The following SLC44A5 variants were observed in gnomAD, a reference collection of about 807,000 sequenced individuals.
SLC44A5 encodes the protein choline transporter-like protein 5.
A neutral mutation model predicts 101.8 loss-of-function variants in SLC44A5; 57 were observed. That is an observed-to-expected ratio of 0.56 (90% CI 0.45 to 0.70). SLC44A5 has a LOEUF of 0.70. Among genes scored for constraint, SLC44A5 ranks in the 30% least tolerant of loss-of-function variants. The probability of loss-of-function intolerance (pLI) is 0.00; values close to 1 mark genes in which losing one functional copy is unlikely to be tolerated. For synonymous variants in SLC44A5, 281 were observed against 290.9 expected, an observed-to-expected ratio of 0.97 and a Z score of 0.35; for missense variants, 737 against 853.1, an observed-to-expected ratio of 0.86 and a Z score of 1.70.
the SLC44A5 span, among the ~76,000 whole-genome samples, chr1:75,659,934 A>G: frequency 6.6e-6 from 1 of 152,294 alleles, no homozygotes; most frequent in East Asian, 1.9e-4. Context: ...TAAATGTAAT[A>G]TATCAGATTA....
chr1:75,317,908 G>A (rs1655818207), intron 4 of SLC44A5, among the ~76,000 whole-genome samples: 1 of 152,110 alleles, frequency 6.6e-6, no homozygotes, highest in Non-Finnish European at 1.5e-5. Context: ...TCACCTTGGG[G>A]ATTAAGGCTC....
At chr1:75,633,763 T>C in the SLC44A5 span, among the ~76,000 whole-genome samples, 1 of 151,986 alleles carries the variant, frequency 6.6e-6, no homozygotes, top group African/African-American at 2.4e-5. Flanking sequence ...CTATGTTGAA[T>C]AGGAGTGGTG....
chr1:75,680,680 C>T, the SLC44A5 span, among the ~76,000 whole-genome samples: 3 of 150,932 alleles, frequency 2.0e-5, no homozygotes, highest in Middle Eastern at 3.4e-3. Flanking sequence ...AAATTGACAC[C>T]CTAACATCAC....
intron 2 of SLC44A5, among the ~76,000 whole-genome samples, chr1:75,493,909 G>A (rs974564030): frequency 6.6e-6 from 1 of 152,150 alleles, no homozygotes; most frequent in Non-Finnish European, 1.5e-5. Flanking sequence ...ATCTGCCTGA[G>A]GTTCTGGCTT....
the SLC44A5 span, among the ~76,000 whole-genome samples, chr1:75,696,358 A>T: frequency 6.6e-6 from 1 of 152,350 alleles, no homozygotes; most frequent in Non-Finnish European, 1.5e-5. Context: ...CATATGTTCA[A>T]AGGAAGAGAA....
intron 1 of SLC44A5, among the ~76,000 whole-genome samples, chr1:75,545,007 AG>A (rs2101963721): frequency 6.6e-6 from 1 of 151,884 alleles, no homozygotes; most frequent in South Asian, 2.1e-4. Context: ...TCCGTCCCCT[AG>A]CCCCCCACCC....
chr1:75,684,832 T>A, the SLC44A5 span, among the ~76,000 whole-genome samples: 1 of 152,164 alleles, frequency 6.6e-6, no homozygotes, highest in Non-Finnish European at 1.5e-5. Context: ...GTCTGAAGGA[T>A]GGTGGCCCTC....
intron 12 of SLC44A5, among the ~76,000 whole-genome samples, chr1:75,232,528 G>A (rs1570424446): frequency 1.3e-5 from 2 of 151,978 alleles, no homozygotes; most frequent in East Asian, 3.9e-4. Context: ...TTTGTTACCT[G>A]GCTGTGCTCA....
chr1:75,531,623 T>C (rs963325187), intron 2 of SLC44A5, among the ~76,000 whole-genome samples: 23 of 152,200 alleles, frequency 1.5e-4, no homozygotes, highest in African/African-American at 5.6e-4. Flanking sequence ...ATGCTGCTGG[T>C]CCGTGTCACA....
At chr1:75,696,618 A>G in the SLC44A5 span, among the ~76,000 whole-genome samples, 1 of 152,146 alleles carries the variant, frequency 6.6e-6, no homozygotes, top group East Asian at 1.9e-4. Flanking sequence ...AACATCGGCC[A>G]GGTGCGGTGG....
chr1:75,636,877 A>T, the SLC44A5 span, among the ~76,000 whole-genome samples: 1 of 152,096 alleles, frequency 6.6e-6, no homozygotes, highest in African/African-American at 2.4e-5. Flanking sequence ...AAGAAGTATG[A>T]CCTCAGGAAA....
chr1:75,468,244 A>G (rs1666926268), intron 2 of SLC44A5, among the ~76,000 whole-genome samples: 1 of 152,178 alleles, frequency 6.6e-6, no homozygotes, highest in African/African-American at 2.4e-5. Flanking sequence ...TGCAACTACT[A>G]TGGAGAACAG....
At chr1:75,316,822 TGAAA>T (rs1655725386) in intron 4 of SLC44A5, among the ~76,000 whole-genome samples, 1 of 152,168 alleles carries the variant, frequency 6.6e-6, no homozygotes, top group African/African-American at 2.4e-5. Flanking sequence ...AATATGGCTA[TGAAA>T]GAAATGCTTA....
chr1:75,603,753 G>GGT (rs368996734), intron 1 of SLC44A5, among the ~76,000 whole-genome samples: 2 of 54,086 alleles, frequency 3.7e-5, no homozygotes, highest in Admixed American at 2.7e-4. Context: ...ATTTTTTCAT[G>GGT]TTTTTTTTTT....
chr1:75,692,850 G>A, the SLC44A5 span, among the ~76,000 whole-genome samples: 1 of 152,144 alleles, frequency 6.6e-6, no homozygotes, highest in Non-Finnish European at 1.5e-5. Flanking sequence ...AATTTGAAAT[G>A]AGACCAGTCA....
chr1:75,335,249 T>C (rs1221450783), intron 4 of SLC44A5, among the ~76,000 whole-genome samples: 2 of 152,206 alleles, frequency 1.3e-5, no homozygotes, highest in Non-Finnish European at 2.9e-5. Flanking sequence ...GATTCTGTCA[T>C]GCCCTAGAAT....
the SLC44A5 span, among the ~76,000 whole-genome samples, chr1:75,690,793 T>A: frequency 2.0e-5 from 3 of 152,102 alleles, no homozygotes; most frequent in Admixed American, 6.5e-5. Context: ...AAATCTTCAC[T>A]TTTTTCCAGG....
chr1:75,494,772 A>T (rs1407451738), intron 2 of SLC44A5, among the ~76,000 whole-genome samples: 1 of 152,178 alleles, frequency 6.6e-6, no homozygotes. Context: ...AATTTTCCAC[A>T]GCTCTCCTCT....
At chr1:75,700,215 A>G in the SLC44A5 span, among the ~76,000 whole-genome samples, 1 of 152,164 alleles carries the variant, frequency 6.6e-6, no homozygotes, top group Admixed American at 6.5e-5. Context: ...TCTTTTCAGC[A>G]CCACACCACA....
Sources: allele counts gnomAD v4.1 joint callset (sites outside exome capture counted in the v4.1 genomes callset), GRCh38; gene constraint gnomAD v4.1.1; transcripts MANE v1.5; gene names NCBI Gene and HGNC (gene_info 2026-07-23, HGNC 2026-07-21).